Variants in ADGRL2 observed in about 807,000 individuals in gnomAD.
ADGRL2 encodes calcium-independent alpha-latrotoxin receptor 2.
ADGRL2 carries 44 observed loss-of-function variants against 157.4 expected under a neutral mutation model. The observed-to-expected ratio is 0.28, with a 90% CI of 0.22 to 0.36. ADGRL2 has a LOEUF of 0.36. ADGRL2 is among the 10% of genes least tolerant of loss of function. ADGRL2 has a pLI of 1.00. For synonymous variants in ADGRL2, 585 were observed against 624.7 expected (o/e 0.94, Z 0.95); for missense variants, 1,510 against 1,768.9 (o/e 0.85, Z 2.63).
At chr1:81,462,027 C>T (rs2077944208) in intron 2 of ADGRL2, among the ~76,000 whole-genome samples, 1 of 150,458 alleles carries the variant, frequency 6.6e-6, no homozygotes, top group Non-Finnish European at 1.5e-5. Context: ...CGGGTGGGGA[C>T]TTGGAGAACT....
intron 2 of ADGRL2, among the ~76,000 whole-genome samples, chr1:81,772,555 C>T (rs547813058): frequency 1.3e-5 from 2 of 152,046 alleles, no homozygotes; most frequent in East Asian, 3.9e-4. Flanking sequence ...ATGGTGAAAC[C>T]TTGTCTCTCC....
chr1:81,731,605 A>G (rs2084724927), intron 1 of ADGRL2, among the ~76,000 whole-genome samples: 1 of 151,922 alleles, frequency 6.6e-6, no homozygotes. Context: ...TTACTTCCGT[A>G]TTTCACAGAT....
At chr1:81,507,594 G>A (rs1318672094) in intron 2 of ADGRL2, among the ~76,000 whole-genome samples, 2 of 152,166 alleles carry the variant, frequency 1.3e-5, no homozygotes, top group African/African-American at 4.8e-5. Context: ...CAGAGCAAGG[G>A]AGCGGCTGGT....
chr1:81,756,621 G>A (rs1243773828), intron 1 of ADGRL2, among the ~76,000 whole-genome samples: 1 of 152,108 alleles, frequency 6.6e-6, no homozygotes, highest in Admixed American at 6.6e-5. Context: ...ACCTTTTGTA[G>A]TTTGAAACAG....
chr1:81,435,403 T>C (rs1015197639), intron 1 of ADGRL2, among the ~76,000 whole-genome samples: 1 of 152,242 alleles, frequency 6.6e-6, no homozygotes, highest in Non-Finnish European at 1.5e-5. Context: ...CCAATCTCTC[T>C]GTGAGGATGT....
intron 1 of ADGRL2, among the ~76,000 whole-genome samples, chr1:81,829,332 A>G (rs1476346906): frequency 6.6e-6 from 1 of 152,218 alleles, no homozygotes; most frequent in Non-Finnish European, 1.5e-5. Flanking sequence ...TAAGTTAATT[A>G]TTTAGAAATA....
intron 1 of ADGRL2, among the ~76,000 whole-genome samples, chr1:81,361,489 T>C (rs2075977858): frequency 6.6e-6 from 1 of 151,854 alleles, no homozygotes; most frequent in African/African-American, 2.4e-5. Context: ...GTCAAAGCCT[T>C]GAGGAAGTCC....
At chr1:81,555,165 G>A (rs1327027933) in intron 2 of ADGRL2, among the ~76,000 whole-genome samples, 1 of 151,864 alleles carries the variant, frequency 6.6e-6, no homozygotes, top group Admixed American at 6.6e-5. Context: ...ATTTGTCCTG[G>A]GTAAAGGGAT....
intron 3 of ADGRL2, among the ~76,000 whole-genome samples, chr1:81,638,751 GA>G (rs1376733442): frequency 6.6e-6 from 1 of 152,098 alleles, no homozygotes; most frequent in Non-Finnish European, 1.5e-5. Context: ...ACAAAAGGCA[GA>G]AAAAGAGTGG....
intron 3 of ADGRL2, among the ~76,000 whole-genome samples, chr1:81,614,946 G>A (rs1220062005): frequency 2.0e-5 from 3 of 152,078 alleles, no homozygotes; most frequent in Non-Finnish European, 4.4e-5. Flanking sequence ...CCAGGAGGCA[G>A]AGTTTGCAGT....
At chr1:81,561,540 A>G (rs1435179434) in intron 2 of ADGRL2, among the ~76,000 whole-genome samples, 1 of 150,260 alleles carries the variant, frequency 6.7e-6, no homozygotes, top group African/African-American at 2.5e-5. Context: ...GTCTCACTGC[A>G]ACCACAATCT....
chr1:81,915,566 T>C (rs941427507), intron 3 of ADGRL2, among the ~76,000 whole-genome samples: 1 of 152,172 alleles, frequency 6.6e-6, no homozygotes, highest in African/African-American at 2.4e-5. Flanking sequence ...ATTACATTAG[T>C]GGTCTTAAGT....
chr1:81,884,918 A>C (rs1318330320), intron 2 of ADGRL2, among the ~76,000 whole-genome samples: 1 of 152,218 alleles, frequency 6.6e-6, no homozygotes, highest in African/African-American at 2.4e-5. Flanking sequence ...AGAGTGTTCC[A>C]GAATAACATA....
chr1:81,398,888 T>C (rs886500172), intron 1 of ADGRL2, among the ~76,000 whole-genome samples: 2 of 152,198 alleles, frequency 1.3e-5, no homozygotes, highest in Non-Finnish European at 2.9e-5. Flanking sequence ...TAGAGAATCT[T>C]TGGGGTTGAA....
intron 3 of ADGRL2, among the ~76,000 whole-genome samples, chr1:81,672,702 G>A (rs1270382737): frequency 3.3e-5 from 5 of 152,096 alleles, no homozygotes; most frequent in Admixed American, 1.3e-4. Flanking sequence ...ACATTGAACC[G>A]TGATTTCATA....
intron 2 of ADGRL2, among the ~76,000 whole-genome samples, chr1:81,774,938 G>A (rs2086518134): frequency 6.6e-6 from 1 of 152,078 alleles, no homozygotes; most frequent in Admixed American, 6.6e-5. Flanking sequence ...CTATAAAACT[G>A]ATAAGTAGGT....
rs183088128 is a variant in ADGRL2 at position 81,393,134 on chromosome 1, A to T, written c.-301-51902A>T. Reference sequence around the variant, plus strand: ...CTAACATTACAAAGGAAAAGAGGAAAAAAGAAAATATAACTAGTTCCCTAC... The same window carrying T: ...CTAACATTACAAAGGAAAAGAGGAATAAAGAAAATATAACTAGTTCCCTAC... On this transcript the variant is annotated intron_variant, in intron 1 of 24. Coordinates refer to the ADGRL2 transcript ENST00000370721. 5.0e-4 allele frequency among the ~76,000 whole-genome samples: 76 copies of T among 152,282 alleles called. 1 individual carries two copies. The highest frequency in any genetic ancestry group is 3.1e-3 in the Admixed American group (48 of 15,294).
chr1:81,703,570 CTGGGAGAGTAAGTATAGGAA>C (rs1270561727), intron 1 of ADGRL2, among the ~76,000 whole-genome samples: 10 of 152,154 alleles, frequency 6.6e-5, no homozygotes, highest in Non-Finnish European at 1.0e-4. Flanking sequence ...AGATCATCTC[CTGGGAGAGTAAGTATAGGAA>C]AGGGTGGAAA....
intron 7 of ADGRL2, among the ~76,000 whole-genome samples, chr1:81,950,721 A>G (rs1224368765): frequency 5.3e-5 from 8 of 152,188 alleles, no homozygotes; most frequent in Non-Finnish European, 1.2e-4. Context: ...TTTTGCCCCA[A>G]GACTCTAGTG....
Sources: gnomAD v4.1 joint callset for allele counts (sites outside exome capture counted in the v4.1 genomes callset) on GRCh38, gnomAD v4.1.1 for gene constraint, MANE v1.5 for transcripts, NCBI Gene and HGNC (gene_info 2026-07-23, HGNC 2026-07-21) for gene names.